Variants in ZNF618 observed in about 807,000 individuals in gnomAD.
ZNF618 encodes zinc finger protein 618.
In ZNF618, 34 loss-of-function variants were observed where a neutral mutation model predicts 103.0. The observed-to-expected ratio is 0.33, with a 90% CI of 0.25 to 0.44. The LOEUF (loss-of-function observed/expected upper bound fraction) is 0.44, where lower values mean the gene tolerates loss of function less well. Among genes scored for constraint, ZNF618 ranks in the 20% least tolerant of loss-of-function variants. The pLI is 1.00. For synonymous variants in ZNF618, 551 were observed against 542.2 expected, an observed-to-expected ratio of 1.02 and a Z score of -0.23; for missense variants, 1,059 against 1,295.4, an observed-to-expected ratio of 0.82 and a Z score of 2.80.
chr9:114,008,428 C>G (rs890666678), intron 8 of ZNF618, 49 bp downstream of exon 8: 3 of 1,613,692 alleles, frequency 1.9e-6, no homozygotes, highest in Non-Finnish European at 2.5e-6. Context: ...CGGCTGGGCT[C>G]CTGAGACCTG....
chr9:113,964,443 C>G (rs566188459), intron 1 of ZNF618, among the ~76,000 whole-genome samples: 2 of 152,178 alleles, frequency 1.3e-5, no homozygotes, highest in East Asian at 3.9e-4. Flanking sequence ...GATTGGAGAT[C>G]TAAGAGAAGC....
At chr9:113,940,387 C>G (rs1281695274) in intron 1 of ZNF618, among the ~76,000 whole-genome samples, 3 of 151,958 alleles carry the variant, frequency 2.0e-5, no homozygotes, top group African/African-American at 7.2e-5. Flanking sequence ...TTTCAAGTCC[C>G]TTATTACTGT....
At chr9:113,885,540 T>C (rs1045654510) in intron 1 of ZNF618, among the ~76,000 whole-genome samples, 1 of 152,084 alleles carries the variant, frequency 6.6e-6, no homozygotes, top group Non-Finnish European at 1.5e-5. Flanking sequence ...TTCAGAAAGT[T>C]TGGAGTTTGT....
At position 114,050,236 on chromosome 9, in the gene ZNF618, C is replaced by T; in HGVS notation, c.*69C>T. ...TTAGAAAAAAACCACACAACACTGTCACAAAGAAAAGGAATTTAAGTTCTA... is the reference window on the plus strand; with the variant it reads ...TTAGAAAAAAACCACACAACACTGTTACAAAGAAAAGGAATTTAAGTTCTA... On this transcript the variant is annotated 3_prime_UTR_variant, in exon 15 of 15. Transcript: ENST00000374126. 6.8e-7 allele frequency: 1 copy of T among 1,478,156 alleles called. No homozygotes were observed. Among genetic ancestry groups the T allele is most frequent in the Non-Finnish European group, 9.0e-7 (1 of 1,114,384 alleles). The allele number at this position is 1,478,156 out of a possible 1,614,324, so 91.6% of individuals were successfully genotyped here. A position where few individuals can be genotyped will look rare whatever the true frequency, so the allele number is the denominator to read the frequency against.
In ZNF618 at chr9:113,988,556, G is replaced by A. The variant is rs376782708; in HGVS notation, c.313G>A (p.Gly105Ser). ...VPAEICVVIG[G>S]VRNQQTLDGK... ...TGCCGAGATCTGCGTGGTGATCGGC[G>A]GCGTCCGCAACCAGCAGACCCTTGG... Residue 105 changes from glycine to serine, a missense_variant, in exon 3 of 15, where the codon GGC (glycine) becomes AGC (serine). By Grantham distance (56) the Gly-to-Ser change is moderately conservative (BLOSUM62 0). Coordinates refer to ENST00000374126, the MANE Select transcript of ZNF618 (RefSeq NM_001318042.2). 25 of 1,609,584 alleles carry A rather than the reference G, an allele frequency of 1.6e-5. No individual in the cohort carries two copies. In the African/African-American group the frequency reaches 1.9e-4, roughly 12 times the overall value.
At chr9:114,028,683 A>T (rs1206010843) in intron 10 of ZNF618, 50 bp from the exon 11 acceptor site, 5 of 1,523,366 alleles carry the variant, frequency 3.3e-6, no homozygotes, top group Non-Finnish European at 4.4e-6. Context: ...GAGGCCACTC[A>T]CTCTGCCGGC....
In ZNF618 at chr9:113,951,457, A is replaced by G. The variant is rs1472260264; in HGVS notation, c.34-17660A>G. Among the ~76,000 whole-genome samples the G allele has an allele frequency of 7.9e-4, 4 of 5,078 alleles. 1 individual carries two copies. Among genetic ancestry groups the G allele is most frequent in the Non-Finnish European group, 5.1e-3 (4 of 792 alleles). 3.3% of individuals were successfully genotyped at this position (5,078 alleles called of 152,430 possible). On this transcript the variant is annotated intron_variant, in intron 1 of 14. Coordinates refer to ENST00000374126, the MANE Select transcript of ZNF618 (RefSeq NM_001318042.2). ...TATATATATACATATATGTGTATAT[A>G]TACATATATGTGTGTATGTGTACAC... is the stretch of plus-strand genomic sequence containing the variant.
At chr9:113,897,965 G>T (rs1294800185) in intron 1 of ZNF618, among the ~76,000 whole-genome samples, 1 of 151,840 alleles carries the variant, frequency 6.6e-6, no homozygotes, top group African/African-American at 2.4e-5. Flanking sequence ...GCTAATTTTT[G>T]TATTTTTAGT....
At chr9:113,957,458 A>G (rs563641570) in intron 1 of ZNF618, among the ~76,000 whole-genome samples, 2 of 152,300 alleles carry the variant, frequency 1.3e-5, no homozygotes, top group Admixed American at 6.5e-5. Flanking sequence ...CAGTCCAGCA[A>G]CCTCATTGAA....
chr9:113,920,897 C>T (rs1313113994), intron 1 of ZNF618, among the ~76,000 whole-genome samples: 4 of 152,182 alleles, frequency 2.6e-5, no homozygotes, highest in Non-Finnish European at 5.9e-5. Flanking sequence ...TTTTGCTAAG[C>T]CATACATTTG....
At chr9:113,938,340 A>AT (rs1461532129) in intron 1 of ZNF618, among the ~76,000 whole-genome samples, 2 of 107,324 alleles carry the variant, frequency 1.9e-5, no homozygotes, top group African/African-American at 6.3e-5. Context: ...CACCTGGCTA[A>AT]TTAAAAAAAA....
At chr9:114,012,035 A>G (rs191067034) in intron 9 of ZNF618, among the ~76,000 whole-genome samples, 290 of 152,052 alleles carry the variant, frequency 1.9e-3, no homozygotes, top group Middle Eastern at 0.014. Flanking sequence ...AAAAAAAAAA[A>G]AGAGAGAACT....
At chr9:113,986,762 T>C (rs1839523564) in intron 2 of ZNF618, among the ~76,000 whole-genome samples, 1 of 152,222 alleles carries the variant, frequency 6.6e-6, no homozygotes, top group Admixed American at 6.5e-5. Context: ...ATGGCCTTCC[T>C]CTGTCCTCTC....
At chr9:114,005,036 C>A (rs531373329) in intron 6 of ZNF618, among the ~76,000 whole-genome samples, 4 of 152,302 alleles carry the variant, frequency 2.6e-5, no homozygotes, top group Non-Finnish European at 4.4e-5. Context: ...TTACATTTGG[C>A]AAGTATTTAT....
chr9:114,033,715 G>T (rs1844314283), intron 12 of ZNF618, among the ~76,000 whole-genome samples: 1 of 152,178 alleles, frequency 6.6e-6, no homozygotes, highest in South Asian at 2.1e-4. Flanking sequence ...ACCCTGAGAG[G>T]CAGGGCAGGA....
chr9:114,005,262 G>A (rs1211735238), intron 6 of ZNF618, among the ~76,000 whole-genome samples: 4 of 152,294 alleles, frequency 2.6e-5, no homozygotes, highest in South Asian at 4.1e-4. Flanking sequence ...AAGAGACACC[G>A]AGCTCTCGTG....
chr9:113,960,326 G>A (rs1366907202), intron 1 of ZNF618, among the ~76,000 whole-genome samples: 1 of 152,216 alleles, frequency 6.6e-6, no homozygotes, highest in South Asian at 2.1e-4. Flanking sequence ...GGGTGCATAT[G>A]CCTTCCAAGT....
chr9:113,985,713 G>A (rs1464293416), intron 2 of ZNF618, among the ~76,000 whole-genome samples: 5 of 152,142 alleles, frequency 3.3e-5, no homozygotes, highest in East Asian at 3.9e-4. Context: ...TTCCCTCTGC[G>A]AGTTTGTCTC....
At chr9:113,887,913 A>C (rs542846878) in intron 1 of ZNF618, among the ~76,000 whole-genome samples, 3 of 152,226 alleles carry the variant, frequency 2.0e-5, no homozygotes, top group Non-Finnish European at 2.9e-5. Context: ...TTTTTGCACA[A>C]TGGAATTTAT....
Sources: allele counts gnomAD v4.1 joint callset (sites outside exome capture counted in the v4.1 genomes callset), GRCh38; gene constraint gnomAD v4.1.1; transcripts MANE v1.5; gene names NCBI Gene and HGNC (gene_info 2026-07-23, HGNC 2026-07-21).